The following CFAP99 variants were observed in gnomAD, a reference collection of about 807,000 sequenced individuals.
CFAP99 encodes cilia- and flagella-associated protein 99.
In CFAP99, 84 loss-of-function variants were observed where a neutral mutation model predicts 82.7. The observed-to-expected ratio is 1.02, with a 90% confidence interval of 0.85 to 1.22. CFAP99 has a LOEUF of 1.22. CFAP99 is among the 50% of genes most tolerant of loss of function. The probability of loss-of-function intolerance (pLI) is 0.00; values close to 1 mark genes in which losing one functional copy is unlikely to be tolerated. For synonymous variants in CFAP99, 456 were observed against 429.5 expected (o/e 1.06, Z -0.76); for missense variants, 1,059 against 983.5 (o/e 1.08, Z -1.03).
At chr4:2,433,325 C>T (rs1028247709) in intron 2 of CFAP99, among the ~76,000 whole-genome samples, 6 of 152,092 alleles carry the variant, frequency 3.9e-5, no homozygotes, top group Non-Finnish European at 4.4e-5. Flanking sequence ...AGCATAGTCC[C>T]GCAAAGTCAT....
At position 2,462,865 on chromosome 4, in the gene CFAP99, T is replaced by C; in HGVS notation, c.2084T>C (p.Leu695Pro). Reference sequence around the variant, plus strand: ...CTGGAGCGGAGCCGCGAGCGCAGGCTGCAGGCGCTGCAGCAGGGAGGCTCA... The same window carrying C: ...CTGGAGCGGAGCCGCGAGCGCAGGCCGCAGGCGCTGCAGCAGGGAGGCTCA... The change falls in exon 15 of 15, where the codon CTG becomes CCG. Residue 695 changes from leucine to proline, a missense_variant. Physicochemically the swap from Leu to Pro is moderately conservative, Grantham distance 98. Transcript: ENST00000635017. The surrounding 1 kb of genome is among the most constrained non-coding windows in gnomAD (Gnocchi z 4.1). The C allele has an allele frequency of 7.2e-7, 1 of 1,390,316 alleles. No individual in the cohort carries two copies. Among genetic ancestry groups the C allele is most frequent in the Non-Finnish European group, 9.3e-7 (1 of 1,071,908 alleles). The allele number at this position is 1,390,316 out of a possible 1,614,324, so 86.1% of individuals were successfully genotyped here. A position where few individuals can be genotyped will look rare whatever the true frequency, so the allele number is the denominator to read the frequency against.
intron 12 of CFAP99, 92 bp from the exon 13 acceptor site, chr4:2,459,015 T>A: frequency 6.9e-7 from 1 of 1,447,718 alleles, no homozygotes. Context: ...GAGGCCAGAG[T>A]CCTGGCTGGG....
At chr4:2,423,113 C>T (rs1733616047) in intron 1 of CFAP99, among the ~76,000 whole-genome samples, 1 of 152,212 alleles carries the variant, frequency 6.6e-6, no homozygotes, top group South Asian at 2.1e-4. Flanking sequence ...CCACTGCTCT[C>T]AGCAATGCCT....
chr4:2,459,310 A>G, intron 13 of CFAP99, 52 bp downstream of exon 13: 1 of 1,473,850 alleles, frequency 6.8e-7, no homozygotes, highest in African/African-American at 1.4e-5. Flanking sequence ...CCACGCTGGC[A>G]CTGCCATGAG....
At chr4:2,441,245 C>T (rs1049330543) in intron 4 of CFAP99, among the ~76,000 whole-genome samples, 6 of 151,340 alleles carry the variant, frequency 4.0e-5, no homozygotes, top group African/African-American at 9.7e-5. Flanking sequence ...TGGTGGCACG[C>T]GCCTATAATC....
exon 6 of CFAP99, chr4:2,445,203 G>A: frequency 2.7e-6 from 4 of 1,458,958 alleles, no homozygotes; most frequent in Non-Finnish European, 3.6e-6. Context: ...CTCCTTTAAA[G>A]ACCAAGGCCA....
At chr4:2,457,646 C>T (rs904525677) in intron 11 of CFAP99, among the ~76,000 whole-genome samples, 1 of 151,980 alleles carries the variant, frequency 6.6e-6, no homozygotes, top group Non-Finnish European at 1.5e-5. Context: ...CCTGGAAACC[C>T]TCTCCTTACT....
At chr4:2,459,044 C>G in intron 12 of CFAP99, 63 bp from the exon 13 acceptor site, 1 of 1,457,614 alleles carries the variant, frequency 6.9e-7, no homozygotes, top group South Asian at 1.4e-5. Context: ...GGGGAGGTGC[C>G]TTCCTGTCCA....
intron 2 of CFAP99, among the ~76,000 whole-genome samples, chr4:2,433,630 C>T (rs148580373): frequency 1.0e-3 from 153 of 152,270 alleles, no homozygotes; most frequent in African/African-American, 3.5e-3. Flanking sequence ...TGGGTCCCCG[C>T]GATCTATGTG....
intron 7 of CFAP99, 66 bp from the exon 8 acceptor site, chr4:2,449,868 C>T (rs970350655): frequency 2.9e-5 from 45 of 1,532,502 alleles, no homozygotes; most frequent in African/African-American, 2.3e-4. Flanking sequence ...GAAGTTCGTC[C>T]TCCCATGGCC....
At chr4:2,426,040 TG>T (rs1733675803) in intron 1 of CFAP99, among the ~76,000 whole-genome samples, 1 of 152,194 alleles carries the variant, frequency 6.6e-6, no homozygotes, top group Admixed American at 6.5e-5. Flanking sequence ...CGGGCAAAGC[TG>T]AGGGACGCTC....
intron 11 of CFAP99, among the ~76,000 whole-genome samples, chr4:2,454,290 C>T (rs1027873246): frequency 1.6e-4 from 25 of 152,252 alleles, no homozygotes; most frequent in African/African-American, 4.8e-4. Flanking sequence ...CATGAGCCAC[C>T]GTGCCCGGCC....
In CFAP99 at chr4:2,462,291, C is replaced by G; in HGVS notation, c.1662-152C>G. 1.4e-6 allele frequency: 1 copy of G among 721,738 alleles called. No homozygotes were observed. The highest frequency in any genetic ancestry group is 2.0e-6 in the Non-Finnish European group (1 of 489,574). 44.7% of individuals were successfully genotyped at this position (721,738 alleles called of 1,614,324 possible). A position where few individuals can be genotyped will look rare whatever the true frequency, so the allele number is the denominator to read the frequency against. On this transcript the variant is annotated intron_variant, in intron 14 of 14. Coordinates refer to ENST00000635017, the Ensembl canonical transcript of CFAP99. This position sits in a 1 kb window ranked among gnomAD's most constrained non-coding sequence, Gnocchi z 4.1. ...GTACTGTCTAGGAGCGCGCCGCGGC[C>G]CCTGGGCCTCGCTGTCTGTCCTAAA...
intron 4 of CFAP99, among the ~76,000 whole-genome samples, chr4:2,440,564 C>A (rs1734012747): frequency 6.6e-6 from 1 of 151,712 alleles, no homozygotes; most frequent in Admixed American, 6.6e-5. Context: ...CCAGCCTGGG[C>A]GACAGAGCAA....
At position 2,451,353 on chromosome 4, in the gene CFAP99, G is replaced by C. The variant is rs775560990; in HGVS notation, c.956+1G>C. On this transcript the variant is annotated splice_donor_variant, in intron 10 of 14. Transcript: ENST00000635017. LOFTEE classifies it high-confidence loss of function. ...GGCAGGTGGAGCAGGAGCTGCAGAG[G>C]TGAAGGGCGGCAGGCCCCCCCACCT... 1 of 1,535,182 alleles carries C rather than the reference G, an allele frequency of 6.5e-7. No individual in the cohort carries two copies. Among genetic ancestry groups the C allele is most frequent in the Non-Finnish European group, 8.7e-7 (1 of 1,146,750 alleles).
chr4:2,440,663 G>A (rs934988559), intron 4 of CFAP99, among the ~76,000 whole-genome samples: 16 of 151,804 alleles, frequency 1.1e-4, no homozygotes, highest in Non-Finnish European at 2.2e-4. Flanking sequence ...CGTGATCTCC[G>A]CTCACTGCAA....
chr4:2,423,375 A>G (rs2108707142), intron 1 of CFAP99, among the ~76,000 whole-genome samples: 1 of 152,346 alleles, frequency 6.6e-6, no homozygotes, highest in African/African-American at 2.4e-5. Flanking sequence ...TGAGCCTGTC[A>G]CAAGCTTAAG....
chr4:2,451,192 G>A (rs1188951820), intron 9 of CFAP99, 72 bp from the exon 10 acceptor site: 26 of 1,506,662 alleles, frequency 1.7e-5, no homozygotes, highest in Admixed American at 9.8e-5. Flanking sequence ...ACGGGCATGA[G>A]GGCAGGATGG....
At chr4:2,432,820 G>A (rs1013905388) in intron 2 of CFAP99, among the ~76,000 whole-genome samples, 15 of 152,350 alleles carry the variant, frequency 9.8e-5, no homozygotes, top group South Asian at 2.1e-4. Flanking sequence ...GCCGGTCTCA[G>A]TGACTGAGGC....
Sources: allele counts gnomAD v4.1 joint callset (sites outside exome capture counted in the v4.1 genomes callset), GRCh38; gene constraint gnomAD v4.1.1; non-coding constraint Gnocchi (gnomAD v3.1); transcripts MANE v1.5; gene names NCBI Gene and HGNC (gene_info 2026-07-23, HGNC 2026-07-21).